Variants in SEMA3C observed in about 807,000 individuals in gnomAD.
SEMA3C encodes semaphorin-3C.
A neutral mutation model predicts 89.4 loss-of-function variants in SEMA3C; 47 were observed. The ratio of observed to expected loss-of-function variants is 0.53; its 90% CI spans 0.42 to 0.67. The LOEUF (loss-of-function observed/expected upper bound fraction) is 0.67. Among genes scored for constraint, SEMA3C ranks in the 30% least tolerant of loss-of-function variants. The pLI is 0.00. For synonymous variants in SEMA3C, 310 were observed against 320.2 expected (o/e 0.97, Z 0.34); for missense variants, 839 against 929.1 (o/e 0.90, Z 1.26).
chr7:80,847,639 T>C lies in SEMA3C; in HGVS notation c.104-18894A>G, dbSNP rs1330981652. Among the ~76,000 whole-genome samples the C allele has an allele frequency of 2.0e-5, 3 of 152,192 alleles. No homozygotes were observed. In the East Asian group the frequency reaches 5.8e-4, roughly 29 times the overall value. ...TCGCTTGGCATCCTCATTTTGCTTT[T>C]GAAGCATTTAGGACAGACAATGAAT... On this transcript the variant is annotated intron_variant, in intron 2 of 17. Transcript: ENST00000265361.
At chr7:80,758,719 T>C (rs531554058) in intron 14 of SEMA3C, among the ~76,000 whole-genome samples, 1 of 152,214 alleles carries the variant, frequency 6.6e-6, no homozygotes, top group East Asian at 1.9e-4. Flanking sequence ...CAAAGCACCA[T>C]ATAGAATGGT....
In SEMA3C at chr7:80,884,738, T is replaced by C. The variant is rs867423286; in HGVS notation, c.103+31941A>G. On this transcript the variant is annotated intron_variant, in intron 2 of 17. Coordinates refer to ENST00000265361, the MANE Select transcript of SEMA3C (RefSeq NM_006379.5). ...TGTTCAGCAGAAATAGTAAAGTGAC[T>C]GTTTCTTTGTAGAAGAATTTCTTTA... Among the ~76,000 whole-genome samples the C allele has an allele frequency of 7.9e-5, 12 of 152,340 alleles. No individual in the cohort carries two copies. In the South Asian group the frequency reaches 1.2e-3, roughly 16 times the overall value.
intron 14 of SEMA3C, among the ~76,000 whole-genome samples, chr7:80,759,524 C>A (rs1788138030): frequency 6.6e-6 from 1 of 152,142 alleles, no homozygotes; most frequent in Non-Finnish European, 1.5e-5. Context: ...GATAACACAG[C>A]ACTTACCATA....
intron 12 of SEMA3C, among the ~76,000 whole-genome samples, chr7:80,786,513 A>G (rs904985941): frequency 6.6e-6 from 1 of 152,196 alleles, no homozygotes; most frequent in Non-Finnish European, 1.5e-5. Context: ...GACACTGTGG[A>G]GAGGTAATAT....
At chr7:80,874,997 T>C (rs958310665) in intron 2 of SEMA3C, among the ~76,000 whole-genome samples, 1 of 151,848 alleles carries the variant, frequency 6.6e-6, no homozygotes, top group Non-Finnish European at 1.5e-5. Flanking sequence ...GACAGGACAA[T>C]TGCTTGAACT....
upstream of SEMA3C, among the ~76,000 whole-genome samples, chr7:80,919,569 T>TC (rs397840973): frequency 7.3e-6 from 1 of 137,338 alleles, no homozygotes; most frequent in Non-Finnish European, 1.5e-5. Context: ...GTTTTTTTTT[T>TC]GTTTTTTGTT....
At chr7:80,840,014 G>A (rs1479290780) in intron 2 of SEMA3C, among the ~76,000 whole-genome samples, 1 of 152,044 alleles carries the variant, frequency 6.6e-6, no homozygotes, top group Non-Finnish European at 1.5e-5. Flanking sequence ...GCAAGAATAG[G>A]AGATCCTATG....
intron 2 of SEMA3C, among the ~76,000 whole-genome samples, chr7:80,880,703 C>G (rs1004695194): frequency 2.0e-5 from 3 of 152,056 alleles, no homozygotes; most frequent in Non-Finnish European, 4.4e-5. Context: ...GGCAGGCAGA[C>G]CACTTGAGTT....
intron 17 of SEMA3C, 73 bp downstream of exon 17, chr7:80,748,825 G>A: frequency 7.0e-7 from 1 of 1,438,692 alleles, no homozygotes; most frequent in East Asian, 2.4e-5. Flanking sequence ...TTTGATCTGA[G>A]CCTCGCTGAG....
intron 12 of SEMA3C, 137 bp from the exon 13 acceptor site, chr7:80,765,380 C>T: frequency 5.1e-6 from 3 of 593,670 alleles, no homozygotes; most frequent in Non-Finnish European, 5.9e-6. Flanking sequence ...TAAGCCACTG[C>T]CATGTGCTGA....
chr7:80,911,947 T>C (rs759861071), intron 2 of SEMA3C, among the ~76,000 whole-genome samples: 1 of 152,162 alleles, frequency 6.6e-6, no homozygotes, highest in African/African-American at 2.4e-5. Flanking sequence ...TTTTTTTTAA[T>C]GGAACCGCTG....
chr7:80,771,602 C>A (rs955666561), intron 12 of SEMA3C, among the ~76,000 whole-genome samples: 2 of 152,086 alleles, frequency 1.3e-5, no homozygotes, highest in African/African-American at 2.4e-5. Flanking sequence ...CTGCCTCATG[C>A]GAGTGATCAA....
chr7:80,758,070 G>T (rs1299255096), intron 15 of SEMA3C, among the ~76,000 whole-genome samples: 1 of 152,156 alleles, frequency 6.6e-6, no homozygotes, highest in Admixed American at 6.5e-5. Flanking sequence ...TCCTAGGGGA[G>T]TAGGTGTTAC....
At chr7:80,872,988 TGG>T (rs1791106661) in intron 2 of SEMA3C, among the ~76,000 whole-genome samples, 1 of 151,038 alleles carries the variant, frequency 6.6e-6, no homozygotes, top group African/African-American at 2.4e-5. Flanking sequence ...TTTGACCTTG[TGG>T]ACCCCCTGAA....
chr7:80,920,355 A>T (rs998181051), upstream of SEMA3C, among the ~76,000 whole-genome samples: 1 of 152,200 alleles, frequency 6.6e-6, no homozygotes, highest in Non-Finnish European at 1.5e-5. Context: ...GTGGAGTGTA[A>T]TATCTCCACC....
chr7:80,921,362 C>T (rs532316451), upstream of SEMA3C, among the ~76,000 whole-genome samples: 9 of 152,300 alleles, frequency 5.9e-5, no homozygotes, highest in East Asian at 1.7e-3. Flanking sequence ...AAGATAGATT[C>T]AAGCGCAAGG....
In SEMA3C at chr7:80,828,733, G is replaced by A. The variant is rs1421925293; in HGVS notation, c.116C>T (p.Thr39Ile). The A allele has an allele frequency of 1.2e-6, 2 of 1,605,264 alleles. No homozygotes were observed. The highest frequency in any genetic ancestry group is 2.2e-5 in the East Asian group (1 of 44,742). The change falls in exon 3 of 18, where the codon ACC (threonine) becomes ATC (isoleucine). Residue 39 changes from threonine to isoleucine, a missense_variant. By Grantham distance (89) the Thr-to-Ile change is moderately conservative (BLOSUM62 -1). Coordinates refer to ENST00000265361, the MANE Select transcript of SEMA3C (RefSeq NM_006379.5). The stretch of plus-strand genomic sequence containing the variant: ...AAGGCTGAAGTATTCAGAGGTCTTG[G>A]TTTCTCGAAGTTCTGAAAGAGTGAA... ...VYLTFDELRE[T>I]KTSEYFSLSH...
At chr7:80,865,819 G>A (rs1790914607) in intron 2 of SEMA3C, among the ~76,000 whole-genome samples, 1 of 152,004 alleles carries the variant, frequency 6.6e-6, no homozygotes, top group Non-Finnish European at 1.5e-5. Context: ...AAAAAAGAAT[G>A]CATATCAAAT....
Position 80,827,414 on chromosome 7 carries a change from T to G in SEMA3C, c.327+11A>C, listed in dbSNP as rs779622627. On this transcript the variant is annotated intron_variant, in intron 4 of 17. Transcript: ENST00000265361. ...AGTGTTTTTTTTTTTTTTTTTTTTT[T>G]TAACACTTACTGTGGGATCTTTGCC... The G allele has an allele frequency of 2.4e-5, 35 of 1,487,978 alleles. No homozygotes were observed. The African/African-American group carries it at 5.2e-4, about 22-fold the overall frequency. 92.2% of individuals were successfully genotyped at this position (1,487,978 alleles called of 1,614,324 possible).
Sources: allele counts gnomAD v4.1 joint callset (sites outside exome capture counted in the v4.1 genomes callset), GRCh38; gene constraint gnomAD v4.1.1; transcripts MANE v1.5; gene names NCBI Gene and HGNC (gene_info 2026-07-23, HGNC 2026-07-21).